ARHGAP17: variants seen among roughly 807,000 people sequenced by gnomAD.
The protein encoded by ARHGAP17 is rho GTPase-activating protein 17.
A neutral mutation model predicts 99.5 loss-of-function variants in ARHGAP17; 57 were observed. The observed-to-expected ratio is 0.57, with a 90% confidence interval of 0.46 to 0.71. The LOEUF (loss-of-function observed/expected upper bound fraction) is 0.71. Among genes scored for constraint, ARHGAP17 ranks in the 30% least tolerant of loss-of-function variants. The pLI is 0.00. For missense variants in ARHGAP17, 1,000 were observed against 1,122.4 expected (o/e 0.89, Z 1.56); for synonymous variants, 417 against 429.6 (o/e 0.97, Z 0.36).
At chr16:24,957,794 G>A (rs1432612812) in intron 9 of ARHGAP17, among the ~76,000 whole-genome samples, 1 of 152,176 alleles carries the variant, frequency 6.6e-6, no homozygotes, top group East Asian at 1.9e-4. Flanking sequence ...AAAAAATGAA[G>A]GAGAACCAGA....
chr16:24,943,244 C>T (rs754430148), intron 15 of ARHGAP17, among the ~76,000 whole-genome samples: 47 of 152,320 alleles, frequency 3.1e-4, no homozygotes, highest in Middle Eastern at 6.8e-3. Flanking sequence ...CAGCTGGCCC[C>T]GATCAACCTT....
In ARHGAP17 at chr16:24,955,703, T is replaced by C. The variant is rs1311841224; in HGVS notation, c.725-973A>G. Reference sequence around the variant, plus strand: ...ATTGGTCCCTTAGCAGCTCTGCTGTTAGAAAGCTGGGTTGGAAGAAGGCAG... The same window carrying C: ...ATTGGTCCCTTAGCAGCTCTGCTGTCAGAAAGCTGGGTTGGAAGAAGGCAG... On this transcript the variant is annotated intron_variant, in intron 9 of 19. Transcript: ENST00000289968. This position sits in a 1 kb window ranked among gnomAD's most constrained non-coding sequence, Gnocchi z 4.0. 1 of 152,256 alleles carries C rather than the reference T, an allele frequency of 6.6e-6. No individual in the cohort carries two copies. The highest frequency in any genetic ancestry group is 2.4e-5 in the African/African-American group (1 of 41,454). The allele number at this position is 152,256 out of a possible 1,614,324, so 9.4% of individuals were successfully genotyped here.
chr16:24,950,552 C>T (rs956083912), intron 12 of ARHGAP17, among the ~76,000 whole-genome samples: 2 of 152,090 alleles, frequency 1.3e-5, no homozygotes, highest in African/African-American at 2.4e-5. Flanking sequence ...AGCTCAAATG[C>T]GGCTGAGCGC....
intron 1 of ARHGAP17, among the ~76,000 whole-genome samples, chr16:25,008,051 G>A (rs2053552882): frequency 6.6e-6 from 1 of 152,092 alleles, no homozygotes; most frequent in Admixed American, 6.6e-5. Context: ...CTGCTTATGT[G>A]ATTGTGGTTT....
chr16:24,968,846 C>T (rs2141309982), intron 4 of ARHGAP17, 74 bp from the exon 5 acceptor site: 6 of 1,429,036 alleles, frequency 4.2e-6, no homozygotes, highest in Non-Finnish European at 5.9e-6. Flanking sequence ...TGGATCAGTG[C>T]TGCTTGCCAT....
intron 1 of ARHGAP17, among the ~76,000 whole-genome samples, chr16:24,997,071 C>T (rs981659182): frequency 2.0e-5 from 3 of 152,264 alleles, no homozygotes; most frequent in Non-Finnish European, 2.9e-5. Context: ...CAATACACAA[C>T]TTGGACTAGC....
chr16:24,963,081 T>C (rs1214358772), intron 7 of ARHGAP17, among the ~76,000 whole-genome samples: 1 of 152,202 alleles, frequency 6.6e-6, no homozygotes, highest in Non-Finnish European at 1.5e-5. Flanking sequence ...CCCAAATTTG[T>C]GTGCAATAAG....
At chr16:24,965,830 T>C (rs1379487730) in intron 6 of ARHGAP17, among the ~76,000 whole-genome samples, 2 of 152,236 alleles carry the variant, frequency 1.3e-5, no homozygotes, top group East Asian at 3.8e-4. Flanking sequence ...GAGAAAAATA[T>C]GTGTGCATGT....
chr16:25,015,085 G>C (rs1040922728), intron 1 of ARHGAP17, 124 bp downstream of exon 1: 1 of 976,944 alleles, frequency 1.0e-6, no homozygotes, highest in African/African-American at 1.7e-5. Flanking sequence ...TGCCCCGCTG[G>C]TCTCGGGCAG....
intron 10 of ARHGAP17, among the ~76,000 whole-genome samples, chr16:24,953,604 CTG>C (rs2051711682): frequency 6.6e-6 from 1 of 152,170 alleles, no homozygotes; most frequent in South Asian, 2.1e-4. Flanking sequence ...TCCGCCATGA[CTG>C]TAAGTTTCCT....
intron 1 of ARHGAP17, among the ~76,000 whole-genome samples, 153 bp from the exon 2 acceptor site, chr16:24,979,158 G>A (rs1000667475): frequency 3.9e-5 from 6 of 152,184 alleles, no homozygotes; most frequent in Admixed American, 2.6e-4. Context: ...TTACATCAGA[G>A]AGCAATTTAA....
Position 24,960,179 on chromosome 16 carries a change from A to G in ARHGAP17, c.574-200T>C, listed in dbSNP as rs184456086. On this transcript the variant is annotated intron_variant, in intron 7 of 19. Coordinates refer to ENST00000289968, the MANE Select transcript of ARHGAP17 (RefSeq NM_001006634.3). ...ACTGACAAAGAAAGATCTCCAAGATATATTTTAACACATCTGTTTAAGAAG... is the reference window on the plus strand; with the variant it reads ...ACTGACAAAGAAAGATCTCCAAGATGTATTTTAACACATCTGTTTAAGAAG... Among the ~76,000 whole-genome samples, 3 of 152,374 alleles carry G rather than the reference A, an allele frequency of 2.0e-5. No homozygotes were observed. The East Asian group carries it at 5.8e-4, about 29-fold the overall frequency.
intron 1 of ARHGAP17, among the ~76,000 whole-genome samples, chr16:24,985,272 G>T (rs1479520845): frequency 2.0e-5 from 3 of 152,156 alleles, no homozygotes; most frequent in African/African-American, 7.2e-5. Context: ...TATTGCTGCT[G>T]TAACAAATCA....
intron 18 of ARHGAP17, among the ~76,000 whole-genome samples, chr16:24,933,866 G>A (rs1483599227): frequency 6.6e-6 from 1 of 152,050 alleles, no homozygotes; most frequent in Non-Finnish European, 1.5e-5. Context: ...TGTGATTTCG[G>A]GAAGCATGAA....
intron 1 of ARHGAP17, among the ~76,000 whole-genome samples, chr16:24,984,694 G>A (rs1026747774): frequency 2.0e-5 from 3 of 151,868 alleles, no homozygotes; most frequent in African/African-American, 7.2e-5. Context: ...CTGAATGAAT[G>A]AATGGATGTC....
At chr16:24,972,699 T>TG (rs1417423609) in intron 3 of ARHGAP17, 1 of 152,116 alleles carries the variant, frequency 6.6e-6, no homozygotes, top group Non-Finnish European at 1.5e-5. Flanking sequence ...TAGGAGTCTA[T>TG]GGAAAAAAAA....
At chr16:24,981,814 C>T (rs1263113857) in intron 1 of ARHGAP17, among the ~76,000 whole-genome samples, 3 of 152,010 alleles carry the variant, frequency 2.0e-5, no homozygotes, top group African/African-American at 7.2e-5. Context: ...AAGAATTGGT[C>T]CAATGTCAAG....
chr16:24,993,563 T>C (rs2053110456), intron 1 of ARHGAP17, among the ~76,000 whole-genome samples: 2 of 145,914 alleles, frequency 1.4e-5, no homozygotes, highest in Admixed American at 7.0e-5. Context: ...CACTCCAGCA[T>C]GGGCAATAGA....
chr16:24,922,842 A>AT (rs948785730), intron 19 of ARHGAP17, among the ~76,000 whole-genome samples: 1 of 151,486 alleles, frequency 6.6e-6, no homozygotes, highest in Non-Finnish European at 1.5e-5. Flanking sequence ...TGCCTGGCTA[A>AT]TTTTTTTTAT....
Sources: allele counts gnomAD v4.1 joint callset (sites outside exome capture counted in the v4.1 genomes callset), GRCh38; gene constraint gnomAD v4.1.1; non-coding constraint Gnocchi (gnomAD v3.1); transcripts MANE v1.5; gene names NCBI Gene and HGNC (gene_info 2026-07-23, HGNC 2026-07-21).